Variants in CCSER1 observed in about 807,000 individuals in gnomAD.
CCSER1 encodes the protein serine-rich coiled-coil domain-containing protein 1.
A neutral mutation model predicts 82.0 loss-of-function variants in CCSER1; 41 were observed. The observed-to-expected ratio is 0.50, with a 90% CI of 0.39 to 0.65. The LOEUF is 0.65. CCSER1 is among the 30% of genes least tolerant of loss of function. The pLI is 0.00. For missense variants in CCSER1, 1,119 were observed against 1,064.2 expected, an observed-to-expected ratio of 1.05 and a Z score of -0.72; for synonymous variants, 414 against 383.9, an observed-to-expected ratio of 1.08 and a Z score of -0.92.
rs924887416 is a variant in CCSER1, at chr4:91,311,578, A to T, written c.2217+225584A>T. On this transcript the variant is annotated intron_variant, in intron 10 of 10. Transcript: ENST00000509176. ...AGAATTCTGTGGTGGAAGTAAATGT[A>T]ACCTTAATGTATTTACCTTTCAGTT... is the stretch of plus-strand genomic sequence containing the variant. Among the ~76,000 whole-genome samples, 3 of 152,046 alleles carry T rather than the reference A, an allele frequency of 2.0e-5. No homozygotes were observed. In the South Asian group the frequency reaches 6.2e-4, roughly 31 times the overall value.
chr4:90,430,743 T>C (rs1016558660), intron 4 of CCSER1, among the ~76,000 whole-genome samples: 3 of 151,906 alleles, frequency 2.0e-5, no homozygotes, highest in East Asian at 3.8e-4. Flanking sequence ...AAAGAAAAGA[T>C]AGAAAAAAGT....
At chr4:90,904,781 A>G (rs931384448) in intron 8 of CCSER1, among the ~76,000 whole-genome samples, 4 of 152,094 alleles carry the variant, frequency 2.6e-5, no homozygotes, top group African/African-American at 9.7e-5. Context: ...AGCTTTCATC[A>G]GCTAAACCCT....
chr4:91,279,936 T>C (rs1392286232), intron 10 of CCSER1, among the ~76,000 whole-genome samples: 1 of 152,218 alleles, frequency 6.6e-6, no homozygotes, highest in Non-Finnish European at 1.5e-5. Flanking sequence ...TCTGTGGTGT[T>C]CGTTGGATAA....
rs75912388 is a variant in CCSER1, at chr4:90,529,723, A to G, written c.1724+61369A>G. On this transcript the variant is annotated intron_variant, in intron 5 of 10. Transcript: ENST00000509176. ...ACATTTAACGAAATGTGGATGTTCA[A>G]TTTCTTAAAATAATAACATAAATTT... is the stretch of plus-strand genomic sequence containing the variant. 3.2e-4 allele frequency among the ~76,000 whole-genome samples: 49 copies of G among 152,182 alleles called. No individual in the cohort carries two copies. In the East Asian group the frequency reaches 8.3e-3, roughly 26 times the overall value.
chr4:90,591,270 A>G (rs1189777821), intron 5 of CCSER1, among the ~76,000 whole-genome samples: 1 of 152,200 alleles, frequency 6.6e-6, no homozygotes, highest in Non-Finnish European at 1.5e-5. Flanking sequence ...CTATTTGAAT[A>G]CAATTTCCTT....
chr4:91,480,089 T>A (rs1320141589), intron 10 of CCSER1, among the ~76,000 whole-genome samples: 1 of 150,486 alleles, frequency 6.6e-6, no homozygotes, highest in African/African-American at 2.5e-5. Flanking sequence ...TTTTTATGGC[T>A]GCATAGTATT....
At chr4:90,302,722 G>A (rs1733394786) in intron 1 of CCSER1, among the ~76,000 whole-genome samples, 1 of 152,146 alleles carries the variant, frequency 6.6e-6, no homozygotes, top group Admixed American at 6.6e-5. Flanking sequence ...AGGATGGCTT[G>A]AGCCCAGGAA....
chr4:91,014,132 G>T lies in CCSER1; in HGVS notation c.2173-71818G>T, dbSNP rs1337006516. On this transcript the variant is annotated intron_variant, in intron 9 of 10. Coordinates refer to ENST00000509176, the MANE Select transcript of CCSER1 (RefSeq NM_001145065.2). ...TTTTAGGAAAAATATTCTTTAGCGGGATTTTACTTTATTTCTGCAGATTTT... is the reference window on the plus strand; with the variant it reads ...TTTTAGGAAAAATATTCTTTAGCGGTATTTTACTTTATTTCTGCAGATTTT... 3.9e-5 allele frequency among the ~76,000 whole-genome samples: 5 copies of T among 128,412 alleles called. 1 individual carries two copies. In the Admixed American group the frequency reaches 4.0e-4, roughly 10 times the overall value. The allele number at this position is 128,412 out of a possible 152,430, so 84.2% of individuals were successfully genotyped here.
At chr4:90,485,524 C>G (rs1016192734) in intron 5 of CCSER1, among the ~76,000 whole-genome samples, 43 of 150,988 alleles carry the variant, frequency 2.8e-4, no homozygotes, top group South Asian at 2.1e-4. Flanking sequence ...CTCCACCCCC[C>G]CCCCCCAATT....
intron 5 of CCSER1, among the ~76,000 whole-genome samples, chr4:90,580,544 G>A (rs1321192318): frequency 1.3e-5 from 2 of 152,240 alleles, no homozygotes; most frequent in South Asian, 2.1e-4. Flanking sequence ...AACCAGTATT[G>A]TGGCTTAAGG....
chr4:90,201,755 G>A (rs1443180011), intron 1 of CCSER1, among the ~76,000 whole-genome samples: 1 of 152,050 alleles, frequency 6.6e-6, no homozygotes, highest in African/African-American at 2.4e-5. Context: ...GAGAAGAGGT[G>A]TATAGTATAT....
intron 7 of CCSER1, among the ~76,000 whole-genome samples, chr4:90,792,424 A>G (rs368010588): frequency 6.6e-6 from 1 of 152,146 alleles, no homozygotes; most frequent in East Asian, 1.9e-4. Context: ...AAAACTGCAT[A>G]TGTATTCCCA....
rs147615440 is a variant in CCSER1 at position 91,489,137 on chromosome 4, C to A, written c.2218-109435C>A. 8.3e-4 allele frequency among the ~76,000 whole-genome samples: 127 copies of A among 152,122 alleles called. No individual in the cohort carries two copies. In the East Asian group the frequency reaches 0.023, roughly 28 times the overall value. Reference sequence around the variant, plus strand: ...GAGAATAAATAGCAAGTGCTAATACCCTGAGTCATATGCTTGAAAGTCCTT... The same window carrying A: ...GAGAATAAATAGCAAGTGCTAATACACTGAGTCATATGCTTGAAAGTCCTT... On this transcript the variant is annotated intron_variant, in intron 10 of 10. Transcript: ENST00000509176.
intron 9 of CCSER1, among the ~76,000 whole-genome samples, chr4:91,033,060 A>AC (rs1235718911): frequency 2.3e-5 from 1 of 43,666 alleles, no homozygotes; most frequent in Non-Finnish European, 5.2e-5. Flanking sequence ...ACAAATAAAC[A>AC]AAAAAAAAAC....
At chr4:90,937,616 A>G (rs1731113021) in intron 9 of CCSER1, among the ~76,000 whole-genome samples, 1 of 152,026 alleles carries the variant, frequency 6.6e-6, no homozygotes. Flanking sequence ...CAATTAGAAC[A>G]CCTACTGTTT....
At chr4:90,910,689 G>C (rs1028359498) in intron 8 of CCSER1, among the ~76,000 whole-genome samples, 3 of 152,172 alleles carry the variant, frequency 2.0e-5, no homozygotes, top group African/African-American at 7.2e-5. Flanking sequence ...TCCAGATGTT[G>C]TATTATTGAT....
chr4:90,850,849 C>A (rs1454533424), intron 8 of CCSER1, among the ~76,000 whole-genome samples: 2 of 152,170 alleles, frequency 1.3e-5, no homozygotes, highest in Non-Finnish European at 2.9e-5. Context: ...AATGTGAGGA[C>A]ATGATATTTG....
intron 10 of CCSER1, among the ~76,000 whole-genome samples, chr4:91,110,267 C>G (rs1003968870): frequency 6.8e-6 from 1 of 147,970 alleles, no homozygotes; most frequent in Admixed American, 7.0e-5. Context: ...AGTTGCCTAT[C>G]TTTTCATATT....
At chr4:91,454,923 T>C (rs1389715312) in intron 10 of CCSER1, among the ~76,000 whole-genome samples, 1 of 152,084 alleles carries the variant, frequency 6.6e-6, no homozygotes, top group Non-Finnish European at 1.5e-5. Flanking sequence ...TTGTCACCAG[T>C]GGCAGTTTCA....
Sources: allele counts gnomAD v4.1 joint callset (sites outside exome capture counted in the v4.1 genomes callset), GRCh38; gene constraint gnomAD v4.1.1; transcripts MANE v1.5; gene names NCBI Gene and HGNC (gene_info 2026-07-23, HGNC 2026-07-21).